The following ATP8B3 variants were observed in gnomAD, a reference collection of about 807,000 sequenced individuals.
ATP8B3 encodes the protein phospholipid-transporting ATPase IK.
Under a neutral mutation model 140.9 loss-of-function variants are expected in ATP8B3, and 141 were observed. That is an observed-to-expected ratio of 1.00 (90% CI 0.87 to 1.15). The LOEUF is 1.15. ATP8B3 is among the 50% of genes most tolerant of loss of function. The probability of loss-of-function intolerance (pLI) is 0.00; values close to 1 mark genes in which losing one functional copy is unlikely to be tolerated. For missense variants in ATP8B3, 1,874 were observed against 1,740.6 expected, an observed-to-expected ratio of 1.08 and a Z score of -1.36; for synonymous variants, 765 against 714.6, an observed-to-expected ratio of 1.07 and a Z score of -1.13.
intron 18 of ATP8B3, among the ~76,000 whole-genome samples, chr19:1,792,683 A>G (rs1489059054): frequency 1.3e-5 from 2 of 151,800 alleles, no homozygotes; most frequent in Admixed American, 1.3e-4. Flanking sequence ...AGGCCGAGGC[A>G]GGCGGATCAC....
rs546792711 is a variant in ATP8B3, at chr19:1,811,409, C to CT, written c.248+79_248+80insA. 1.1e-4 allele frequency: 167 copies of CT among 1,506,076 alleles called. 2 individuals carry two copies. The South Asian group carries it at 1.9e-3, about 17-fold the overall frequency. The allele number at this position is 1,506,076 out of a possible 1,614,324, so 93.3% of individuals were successfully genotyped here. Reference sequence around the variant, plus strand: ...CCCTAGACGCCAGCAACTGGCCCCCCACCTGCCAGCTCTCTAGCAGTGCCC... The same window carrying CT: ...CCCTAGACGCCAGCAACTGGCCCCCCTACCTGCCAGCTCTCTAGCAGTGCCC... On this transcript the variant is annotated intron_variant, in intron 2 of 28. Coordinates refer to ENST00000310127, the MANE Select transcript of ATP8B3 (RefSeq NM_138813.4).
rs774523081 is a variant in ATP8B3, at chr19:1,795,844, CACAT to C, written c.2055+27_2055+30del. On this transcript the variant is annotated intron_variant, in intron 18 of 28. Coordinates refer to ENST00000310127, the MANE Select transcript of ATP8B3 (RefSeq NM_138813.4). ...ACACACACACACACACACACACACA[CACAT>C]AAGCCAGCCTTCCTGAAGGGACTCA... is the stretch of plus-strand genomic sequence containing the variant. The C allele has an allele frequency of 1.0e-3, 1,216 of 1,183,910 alleles. 56 individuals carry two copies. In the African/African-American group the frequency reaches 0.016, roughly 16 times the overall value. The allele number at this position is 1,183,910 out of a possible 1,614,324, so 73.3% of individuals were successfully genotyped here.
In ATP8B3 at chr19:1,789,107, GC is replaced by G; in HGVS notation, c.2858del (p.Gly953AlafsTer56). ...DINMIKTADV[G>X]VGLAGQEGMQ... Reference sequence around the variant, plus strand: ...TGCCCTCCTGGCCCGCCAGCCCCACGCCCACGTCCGCGGCTGCAGGGCACAA... The same window carrying G: ...TGCCCTCCTGGCCCGCCAGCCCCACGCCACGTCCGCGGCTGCAGGGCACAA... On this transcript the variant is annotated frameshift_variant, in exon 24 of 29. Coordinates refer to ENST00000310127, the MANE Select transcript of ATP8B3 (RefSeq NM_138813.4). LOFTEE classifies it high-confidence loss of function. 2 of 1,588,510 alleles carry G rather than the reference GC, an allele frequency of 1.3e-6. No homozygotes were observed.
rs186093237 is a variant in ATP8B3 at position 1,794,775 on chromosome 19, G to A, written c.2055+1100C>T. On this transcript the variant is annotated intron_variant, in intron 18 of 28. Transcript: ENST00000310127. The surrounding 1 kb of genome is among the most constrained non-coding windows in gnomAD (Gnocchi z 4.8). ...TCACAAGCCAGAAACTGGGTCCTAG[G>A]GAGTCCCTTGGTGAGGCCAAAGAGA... Among the ~76,000 whole-genome samples the A allele has an allele frequency of 7.2e-5, 11 of 152,258 alleles. No individual in the cohort carries two copies. Among genetic ancestry groups the A allele is most frequent in the Admixed American group, 2.6e-4 (4 of 15,290 alleles).
rs1238130351 is a variant in ATP8B3, at chr19:1,794,401, C to CT, written c.2055+1473_2055+1474insA. Among the ~76,000 whole-genome samples, 1 of 152,100 alleles carries CT rather than the reference C, an allele frequency of 6.6e-6. No homozygotes were observed. The highest frequency in any genetic ancestry group is 2.4e-5 in the African/African-American group (1 of 41,420). ...GTGACCGCACTTCCAGTTCAGAGTG[C>CT]CCCCACATCCTGGCAGAGCAGGGGA... is the stretch of plus-strand genomic sequence containing the variant. On this transcript the variant is annotated intron_variant, in intron 18 of 28. Coordinates refer to ENST00000310127, the MANE Select transcript of ATP8B3 (RefSeq NM_138813.4). The surrounding 1 kb of genome is among the most constrained non-coding windows in gnomAD (Gnocchi z 4.8).
chr19:1,794,824 G>C lies in ATP8B3; in HGVS notation c.2055+1051C>G, dbSNP rs2068617177. Reference sequence around the variant, plus strand: ...GAGACCAGGCTGGAGAGGTCAGCAGGGGACAGAAAAAGCCTCAAATCCTGG... The same window carrying C: ...GAGACCAGGCTGGAGAGGTCAGCAGCGGACAGAAAAAGCCTCAAATCCTGG... On this transcript the variant is annotated intron_variant, in intron 18 of 28. Transcript: ENST00000310127. This position sits in a 1 kb window ranked among gnomAD's most constrained non-coding sequence, Gnocchi z 4.8. Among the ~76,000 whole-genome samples, 2 of 152,136 alleles carry C rather than the reference G, an allele frequency of 1.3e-5. No homozygotes were observed. Among genetic ancestry groups the C allele is most frequent in the Non-Finnish European group, 2.9e-5 (2 of 68,024 alleles).
At position 1,806,558 on chromosome 19, in the gene ATP8B3, G is replaced by A. The variant is rs917430866; in HGVS notation, c.677+70C>T. On this transcript the variant is annotated intron_variant, in intron 7 of 28. Transcript: ENST00000310127. This position sits in a 1 kb window ranked among gnomAD's most constrained non-coding sequence, Gnocchi z 5.6. The stretch of plus-strand genomic sequence containing the variant: ...GCACGGAAGGTGATGGACACTTGCC[G>A]AGGCCGATGACCCTGCTGGGCTGGA... The A allele has an allele frequency of 6.9e-5, 106 of 1,544,304 alleles. 2 individuals are homozygous for A. Among genetic ancestry groups the A allele is most frequent in the East Asian group, 6.8e-4 (28 of 40,888 alleles).
At position 1,799,931 on chromosome 19, in the gene ATP8B3, G is replaced by T; in HGVS notation, c.1552+16C>A. ...GATCGAGGACCCAGCTGGGAGCTCA[G>T]GTGTCGGGGCCGCACCATAGACGCG... On this transcript the variant is annotated intron_variant, in intron 14 of 28. Transcript: ENST00000310127. The T allele has an allele frequency of 1.9e-6, 3 of 1,579,824 alleles. No homozygotes were observed. The highest frequency in any genetic ancestry group is 2.6e-6 in the Non-Finnish European group (3 of 1,163,626).
At chr19:1,797,092 C>T (rs921067465) in intron 14 of ATP8B3, 87 bp from the exon 15 acceptor site, 14 of 1,580,820 alleles carry the variant, frequency 8.9e-6, no homozygotes, top group East Asian at 2.3e-5. Flanking sequence ...TTCAGGCTTC[C>T]GGGGGCCACT....
chr19:1,796,036 C>T (rs534627836), intron 17 of ATP8B3, 41 bp downstream of exon 17: 10 of 1,611,558 alleles, frequency 6.2e-6, no homozygotes, highest in South Asian at 4.4e-5. Context: ...CGTCTGCCCG[C>T]CCCACCTTGG....
rs1423072134 is a variant in ATP8B3 at position 1,792,013 on chromosome 19, C to A, written c.2178G>T (p.Gln726His). The change falls in exon 19 of 29, where the codon CAG becomes CAT. Residue 726 changes from glutamine to histidine, a missense_variant. Coordinates refer to ENST00000310127, the MANE Select transcript of ATP8B3 (RefSeq NM_138813.4). ...TCTCGTTGTACACCTGTTGCAGGGC[C>A]TGTGCCCGGTTCTGCAGCAGGAGGC... ...EASLLLQNRA[Q>H]ALQQLLGATA... 1 of 1,555,668 alleles carries A rather than the reference C, an allele frequency of 6.4e-7. No individual in the cohort carries two copies. Among genetic ancestry groups the A allele is most frequent in the Admixed American group, 1.9e-5 (1 of 51,484 alleles).
rs753654798 is a variant in ATP8B3, at chr19:1,789,001, A to C, written c.2965T>G (p.Ser989Ala). 2.5e-6 allele frequency: 4 copies of C among 1,610,344 alleles called. No homozygotes were observed. In the Admixed American group the frequency reaches 6.7e-5, roughly 27 times the overall value. ...QRLLLVHGRW[S>A]YVRICKFLRY... Reference sequence around the variant, plus strand: ...AGGAACTTGCAGATCCGCACGTAGGACCAGCGGCCGTGCACCAGCAGGAGG... The same window carrying C: ...AGGAACTTGCAGATCCGCACGTAGGCCCAGCGGCCGTGCACCAGCAGGAGG... The change falls in exon 24 of 29, where the codon TCC becomes GCC. Residue 989 changes from serine to alanine, a missense_variant. Transcript: ENST00000310127.
intron 18 of ATP8B3, among the ~76,000 whole-genome samples, chr19:1,792,359 C>A (rs1394923345): frequency 6.6e-6 from 1 of 152,036 alleles, no homozygotes; most frequent in Non-Finnish European, 1.5e-5. Context: ...GCAGGCGGAT[C>A]ATTTGAGGCC....
In ATP8B3 at chr19:1,805,932, C is replaced by T. The variant is rs1207586173; in HGVS notation, c.777G>A (p.Thr259=). The change falls in exon 9 of 29, where the codon ACG becomes ACA. Residue 259 remains threonine, a synonymous_variant. Transcript: ENST00000310127. This position sits in a 1 kb window ranked among gnomAD's most constrained non-coding sequence, Gnocchi z 5.2. Reference sequence around the variant, plus strand: ...CCACATAGCACAGGCTGCTGGGCTCCGTGCTGGCCAGCAAGAGCATGTCGG... The same window carrying T: ...CCACATAGCACAGGCTGCTGGGCTCTGTGCTGGCCAGCAAGAGCATGTCGG... ...VPADMLLLAS[T]EPSSLCYVET... 6.2e-6 allele frequency: 10 copies of T among 1,612,716 alleles called. No homozygotes were observed. The highest frequency in any genetic ancestry group is 5.0e-5 in the Admixed American group (3 of 59,996).
chr19:1,785,615 T>C lies in ATP8B3; in HGVS notation c.3247A>G (p.Ile1083Val), dbSNP rs201591268. The part of the protein sequence containing the change: ...LFNYWVFVQA[I>V]AHGVTTSLVN... ...AGAGAGGTGGTCACACCATGGGCGA[T>C]GGCTTGGACGAAGACCCAGTAGTTG... The change falls in exon 26 of 29, where the codon ATC (isoleucine) becomes GTC (valine). Residue 1083 changes from isoleucine to valine, a missense_variant. By Grantham distance (29) the Ile-to-Val change is conservative. This residue lies in a region of ATP8B3 where 840 missense variants were observed against 760.9 expected (regional missense o/e 1.10). Transcript: ENST00000310127. 94 of 1,613,284 alleles carry C rather than the reference T, an allele frequency of 5.8e-5. No individual in the cohort carries two copies. Among genetic ancestry groups the C allele is most frequent in the Non-Finnish European group, 7.4e-5 (87 of 1,179,890 alleles).
chr19:1,796,665 C>A, intron 16 of ATP8B3, 46 bp downstream of exon 16: 2 of 1,585,952 alleles, frequency 1.3e-6, no homozygotes, highest in Non-Finnish European at 1.7e-6. Context: ...ACTGCCGTGC[C>A]CCGGGGGCTG....
At chr19:1,802,985 C>T (rs1254627933) in intron 10 of ATP8B3, among the ~76,000 whole-genome samples, 1 of 152,206 alleles carries the variant, frequency 6.6e-6, no homozygotes, top group African/African-American at 2.4e-5. Flanking sequence ...TGTCTGTGAA[C>T]TCCATGAGAA....
Position 1,800,195 on chromosome 19 carries a change from G to A in ATP8B3, c.1344-40C>T, listed in dbSNP as rs1442069027. The A allele has an allele frequency of 1.9e-6, 3 of 1,586,816 alleles. No homozygotes were observed. The highest frequency in any genetic ancestry group is 2.3e-5 in the East Asian group (1 of 44,212). On this transcript the variant is annotated intron_variant, in intron 13 of 28. Transcript: ENST00000310127. The surrounding 1 kb of genome is among the most constrained non-coding windows in gnomAD (Gnocchi z 4.4). The stretch of plus-strand genomic sequence containing the variant: ...AGGGTCACGGTCAGCCCCGCCTGCT[G>A]TGTGCCATCCCCATGCCTCCCCGTT...
chr19:1,787,300 T>A, intron 24 of ATP8B3, 114 bp from the exon 25 acceptor site: 3 of 786,912 alleles, frequency 3.8e-6, no homozygotes, highest in Admixed American at 2.3e-5. Flanking sequence ...CGAGTTACAC[T>A]CAAGGTTGGG....
Sources: allele counts gnomAD v4.1 joint callset (sites outside exome capture counted in the v4.1 genomes callset), GRCh38; gene constraint gnomAD v4.1.1; regional missense constraint gnomAD v4.1.1; non-coding constraint Gnocchi (gnomAD v3.1); transcripts MANE v1.5; gene names NCBI Gene and HGNC (gene_info 2026-07-23, HGNC 2026-07-21).